The following CELF2 variants were observed in gnomAD, a reference collection of about 807,000 sequenced individuals.
CELF2 encodes the protein CUGBP Elav-like family member 2.
A neutral mutation model predicts 62.6 loss-of-function variants in CELF2; 8 were observed. The ratio of observed to expected loss-of-function variants is 0.13; its 90% CI spans 0.07 to 0.23. CELF2 has a LOEUF of 0.23. Among genes scored for constraint, CELF2 ranks in the 10% least tolerant of loss-of-function variants. The probability of loss-of-function intolerance (pLI) is 1.00; values close to 1 mark genes in which losing one functional copy is unlikely to be tolerated. For synonymous variants in CELF2, 258 were observed against 250.0 expected (o/e 1.03, Z -0.30); for missense variants, 333 against 671.0 (o/e 0.50, Z 5.56).
At chr10:10,586,796 G>A in the CELF2 span, among the ~76,000 whole-genome samples, 6 of 152,148 alleles carry the variant, frequency 3.9e-5, no homozygotes, top group Non-Finnish European at 7.3e-5. Flanking sequence ...GAATTTCTAA[G>A]AAGTGTGGCC....
Position 11,318,313 on chromosome 10 carries a change from A to G in CELF2, c.1097-2876A>G, listed in dbSNP as rs2095190716. The G allele has an allele frequency of 6.1e-6, 1 of 164,814 alleles. No individual in the cohort carries two copies. The highest frequency in any genetic ancestry group is 6.0e-5 in the Admixed American group (1 of 16,734). The allele number at this position is 164,814 out of a possible 1,614,324, so 10.2% of individuals were successfully genotyped here. ...TACTTGTTAGAACTTTTTTGTTCAC[A>G]TGGATGTTTATACCATGGAGGTGGC... On this transcript the variant is annotated intron_variant, in intron 10 of 12. Transcript: ENST00000633077. This position sits in a 1 kb window ranked among gnomAD's most constrained non-coding sequence, Gnocchi z 5.4.
chr10:11,036,802 G>T (rs2061026137), intron 1 of CELF2, among the ~76,000 whole-genome samples: 3 of 152,162 alleles, frequency 2.0e-5, no homozygotes, highest in Non-Finnish European at 4.4e-5. Flanking sequence ...CCTGGGTGTT[G>T]GTTGTTTTTT....
chr10:11,037,108 T>G (rs2139242118), intron 1 of CELF2, among the ~76,000 whole-genome samples: 1 of 152,268 alleles, frequency 6.6e-6, no homozygotes, highest in Admixed American at 6.5e-5. Flanking sequence ...GAGTAATTTA[T>G]AAAGGAAAGA....
In CELF2 at chr10:11,314,955, G is replaced by A. The variant is rs2094833205; in HGVS notation, c.1096+697G>A. Among the ~76,000 whole-genome samples the A allele has an allele frequency of 6.6e-6, 1 of 152,142 alleles. No individual in the cohort carries two copies. The highest frequency in any genetic ancestry group is 2.1e-4 in the South Asian group (1 of 4,812). ...ATTTAGCTGTGGCAGGTTGAAATAGGCTGGAGGCAAATCACTTAGAAAATT... is the reference window on the plus strand; with the variant it reads ...ATTTAGCTGTGGCAGGTTGAAATAGACTGGAGGCAAATCACTTAGAAAATT... On this transcript the variant is annotated intron_variant, in intron 10 of 12. Coordinates refer to ENST00000633077, the MANE Select transcript of CELF2 (RefSeq NM_001326342.2). The surrounding 1 kb of genome is among the most constrained non-coding windows in gnomAD (Gnocchi z 5.3).
At chr10:11,045,173 G>C (rs1253066861) in intron 1 of CELF2, among the ~76,000 whole-genome samples, 1 of 152,176 alleles carries the variant, frequency 6.6e-6, no homozygotes, top group Non-Finnish European at 1.5e-5. Flanking sequence ...TTTGGAGGTA[G>C]GATCTCACTC....
the CELF2 span, among the ~76,000 whole-genome samples, chr10:10,538,589 C>T: frequency 5.9e-5 from 9 of 152,164 alleles, no homozygotes; most frequent in African/African-American, 1.9e-4. Flanking sequence ...CACCCCTATC[C>T]CCTGCCCAAA....
rs1481526655 is a variant in CELF2, at chr10:11,302,043, T to C, written c.977-12096T>C. Among the ~76,000 whole-genome samples, 1 of 152,214 alleles carries C rather than the reference T, an allele frequency of 6.6e-6. No individual in the cohort carries two copies. Among genetic ancestry groups the C allele is most frequent in the Non-Finnish European group, 1.5e-5 (1 of 68,040 alleles). Reference sequence around the variant, plus strand: ...CTGCACCAGTGATTCTCATAGTTTCTAGGGAAACGGACAAGCAAATCCCTG... The same window carrying C: ...CTGCACCAGTGATTCTCATAGTTTCCAGGGAAACGGACAAGCAAATCCCTG... On this transcript the variant is annotated intron_variant, in intron 9 of 12. Coordinates refer to ENST00000633077, the MANE Select transcript of CELF2 (RefSeq NM_001326342.2). The surrounding 1 kb of genome is among the most constrained non-coding windows in gnomAD (Gnocchi z 5.0).
At chr10:11,201,814 A>T (rs2059277461) in intron 2 of CELF2, among the ~76,000 whole-genome samples, 1 of 152,228 alleles carries the variant, frequency 6.6e-6, no homozygotes, top group African/African-American at 2.4e-5. Flanking sequence ...GTTTTTGCCA[A>T]TGTTCCAGGC....
chr10:10,687,882 G>C, the CELF2 span, among the ~76,000 whole-genome samples: 4 of 152,140 alleles, frequency 2.6e-5, no homozygotes, highest in Non-Finnish European at 4.4e-5. Context: ...AGAATGTCTG[G>C]GAATTTCTGC....
At chr10:10,563,521 T>A in the CELF2 span, among the ~76,000 whole-genome samples, 1 of 148,602 alleles carries the variant, frequency 6.7e-6, no homozygotes, top group South Asian at 2.1e-4. Context: ...GGCAGGAGAA[T>A]CGCTTGAACC....
Position 10,872,765 on chromosome 10 carries a change from G to C in CELF2, c.54-47199G>C, listed in dbSNP as rs80251457. Among the ~76,000 whole-genome samples, 22 of 152,276 alleles carry C rather than the reference G, an allele frequency of 1.4e-4. No individual in the cohort carries two copies. In the East Asian group the frequency reaches 3.9e-3, roughly 27 times the overall value. ...GCACCCATGGGGTGAGGAAAGAAGA[G>C]AATTTTGTCCTTCTGGTGAAACCTC... On this transcript the variant is annotated intron_variant, in intron 1 of 13. Coordinates refer to the CELF2 transcript ENST00000636488.
At chr10:10,806,848 G>A (rs899555587) in intron 1 of CELF2, among the ~76,000 whole-genome samples, 4 of 152,108 alleles carry the variant, frequency 2.6e-5, no homozygotes, top group African/African-American at 4.8e-5. Context: ...GATCCAGTCC[G>A]GTTTTACAGG....
At chr10:10,581,803 G>T in the CELF2 span, among the ~76,000 whole-genome samples, 1 of 152,312 alleles carries the variant, frequency 6.6e-6, no homozygotes, top group Non-Finnish European at 1.5e-5. Flanking sequence ...GCCAAGGTGG[G>T]CTGATCACGA....
chr10:11,296,959 C>CG lies in CELF2; in HGVS notation c.976+8411dup, dbSNP rs370597758. Among the ~76,000 whole-genome samples the CG allele has an allele frequency of 6.6e-6, 1 of 152,268 alleles. No individual in the cohort carries two copies. Among genetic ancestry groups the CG allele is most frequent in the East Asian group, 1.9e-4 (1 of 5,182 alleles). ...TGGACATATGGAAAAGGATGCCCAC[C>CG]GGGGACCCTGAGAGCCGGGGCTCAG... On this transcript the variant is annotated intron_variant, in intron 9 of 12. Coordinates refer to ENST00000633077, the MANE Select transcript of CELF2 (RefSeq NM_001326342.2). The surrounding 1 kb of genome is among the most constrained non-coding windows in gnomAD (Gnocchi z 5.0).
rs1290647000 is a variant in CELF2 at position 11,202,935 on chromosome 10, CTCTCTCTCTCTCTCTCTG to C, written c.272-14488_272-14471del. Among the ~76,000 whole-genome samples the C allele has an allele frequency of 1.5e-3, 130 of 87,790 alleles. 2 individuals are homozygous for C. The highest frequency in any genetic ancestry group is 5.3e-3 in the African/African-American group (114 of 21,618). The allele number at this position is 87,790 out of a possible 152,430, so 57.6% of individuals were successfully genotyped here. A position where few individuals can be genotyped will look rare whatever the true frequency, so the allele number is the denominator to read the frequency against. On this transcript the variant is annotated intron_variant, in intron 2 of 12. Transcript: ENST00000633077. The stretch of plus-strand genomic sequence containing the variant: ...TCTCTCTCTCTCTCTCTCTCTCTCT[CTCTCTCTCTCTCTCTCTG>C]TGTGTGTGTGTGTGTGTGTAATCCA...
At chr10:10,714,319 A>T in the CELF2 span, among the ~76,000 whole-genome samples, 1 of 152,200 alleles carries the variant, frequency 6.6e-6, no homozygotes, top group Admixed American at 6.5e-5. Flanking sequence ...TGGTAAAAGA[A>T]ATTTTCGTCT....
chr10:10,470,094 T>C, the CELF2 span, among the ~76,000 whole-genome samples: 1 of 151,894 alleles, frequency 6.6e-6, no homozygotes, highest in Non-Finnish European at 1.5e-5. Flanking sequence ...GCAAACATTG[T>C]ATTCCAAAAT....
chr10:10,561,522 C>G, the CELF2 span, among the ~76,000 whole-genome samples: 1 of 152,164 alleles, frequency 6.6e-6, no homozygotes, highest in Non-Finnish European at 1.5e-5. Context: ...CTTCAATAAA[C>G]AAGAGAATTA....
intron 2 of CELF2, among the ~76,000 whole-genome samples, chr10:10,988,622 T>G (rs2053089827): frequency 6.6e-6 from 1 of 151,906 alleles, no homozygotes; most frequent in Non-Finnish European, 1.5e-5. Flanking sequence ...AAATAACTTA[T>G]CCAAGTAACC....
Sources: allele counts gnomAD v4.1 joint callset (sites outside exome capture counted in the v4.1 genomes callset), GRCh38; gene constraint gnomAD v4.1.1; non-coding constraint Gnocchi (gnomAD v3.1); transcripts MANE v1.5; gene names NCBI Gene and HGNC (gene_info 2026-07-23, HGNC 2026-07-21).